The following FILIP1L variants were observed in gnomAD, a reference collection of about 807,000 sequenced individuals.
The protein encoded by FILIP1L is filamin A interacting protein 1 like.
A neutral mutation model predicts 96.6 loss-of-function variants in FILIP1L; 55 were observed. That is an observed-to-expected ratio of 0.57 (90% CI 0.46 to 0.71). FILIP1L has a LOEUF of 0.71. Ranked by LOEUF, FILIP1L falls within the 30% of genes least tolerant of loss-of-function variation. FILIP1L has a pLI of 0.00. For synonymous variants in FILIP1L, 467 were observed against 473.9 expected (o/e 0.99, Z 0.19); for missense variants, 1,304 against 1,321.2 (o/e 0.99, Z 0.20).
chr3:99,844,985 C>T (rs1312388825), intron 5 of FILIP1L, among the ~76,000 whole-genome samples: 1 of 152,184 alleles, frequency 6.6e-6, no homozygotes, highest in African/African-American at 2.4e-5. Context: ...ATAAATTACC[C>T]AGTCTCAGGT....
chr3:100,090,818 C>G (rs2066090650), intron 1 of FILIP1L, among the ~76,000 whole-genome samples: 1 of 152,168 alleles, frequency 6.6e-6, no homozygotes, highest in Admixed American at 6.5e-5. Context: ...TGACTGGCCT[C>G]AGGAATATGG....
chr3:100,035,548 A>G (rs2107272898), intron 1 of FILIP1L, among the ~76,000 whole-genome samples: 1 of 152,280 alleles, frequency 6.6e-6, no homozygotes, highest in Non-Finnish European at 1.5e-5. Context: ...CAGGCGTGAG[A>G]CACTGCACAC....
At chr3:100,082,445 A>C (rs1218930607) in intron 1 of FILIP1L, among the ~76,000 whole-genome samples, 1 of 152,218 alleles carries the variant, frequency 6.6e-6, no homozygotes, top group African/African-American at 2.4e-5. Context: ...TACAGCTTTA[A>C]GACTGGTAGT....
In FILIP1L at chr3:100,114,278, G is replaced by A. The variant is rs1164685429; in HGVS notation, c.-236C>T. ...CAGTGGGGAGCCCAACAACAAGTAG[G>A]CCCAAACACTAAATATTGCCCTCTT... is the stretch of plus-strand genomic sequence containing the variant. On this transcript the variant is annotated 5_prime_UTR_variant, in exon 1 of 6. Coordinates refer to ENST00000477258, the MANE Select transcript of FILIP1L (RefSeq NM_001387850.1). 1 of 151,574 alleles carries A rather than the reference G, an allele frequency of 6.6e-6. No homozygotes were observed. Among genetic ancestry groups the A allele is most frequent in the Non-Finnish European group, 1.5e-5 (1 of 68,016 alleles). The allele number at this position is 151,574 out of a possible 1,614,324, so 9.4% of individuals were successfully genotyped here.
chr3:99,959,920 G>T (rs1708443746), intron 1 of FILIP1L, among the ~76,000 whole-genome samples: 1 of 152,144 alleles, frequency 6.6e-6, no homozygotes, highest in Non-Finnish European at 1.5e-5. Context: ...ATTGTACAAA[G>T]GAGATGCATT....
intron 4 of FILIP1L, among the ~76,000 whole-genome samples, chr3:99,904,653 T>C (rs1055639064): frequency 6.6e-6 from 1 of 152,184 alleles, no homozygotes; most frequent in Non-Finnish European, 1.5e-5. Context: ...TGGCTGCTTA[T>C]TGCCTTCCAG....
Position 99,981,692 on chromosome 3 carries a change from T to C in FILIP1L, c.-10-50662A>G, listed in dbSNP as rs554708884. On this transcript the variant is annotated intron_variant, in intron 1 of 5. Transcript: ENST00000477258. Reference sequence around the variant, plus strand: ...TGCCTTCAGCACCATTTGAAAAAAATTGGTTGGAATTAGTGTTTAAACCAG... The same window carrying C: ...TGCCTTCAGCACCATTTGAAAAAAACTGGTTGGAATTAGTGTTTAAACCAG... Among the ~76,000 whole-genome samples, 4 of 152,284 alleles carry C rather than the reference T, an allele frequency of 2.6e-5. No individual in the cohort carries two copies. In the South Asian group the frequency reaches 6.2e-4, roughly 24 times the overall value.
chr3:99,878,355 A>C (rs1705608113), intron 4 of FILIP1L, among the ~76,000 whole-genome samples: 1 of 152,246 alleles, frequency 6.6e-6, no homozygotes, highest in African/African-American at 2.4e-5. Context: ...CATTCTTTTC[A>C]GATAAAGACA....
intron 1 of FILIP1L, among the ~76,000 whole-genome samples, chr3:100,035,335 A>G (rs1210906748): frequency 6.6e-6 from 1 of 152,104 alleles, no homozygotes; most frequent in Admixed American, 6.6e-5. Flanking sequence ...GTTCAATGGC[A>G]CAATCTTGGC....
intron 1 of FILIP1L, chr3:100,051,338 TA>T (rs1465667681): frequency 6.6e-6 from 1 of 151,980 alleles, no homozygotes; most frequent in Non-Finnish European, 1.5e-5. Flanking sequence ...TTTAATAATA[TA>T]AACCAATGGC....
At chr3:99,882,078 A>G (rs1459627815) in intron 4 of FILIP1L, among the ~76,000 whole-genome samples, 1 of 152,214 alleles carries the variant, frequency 6.6e-6, no homozygotes, top group Non-Finnish European at 1.5e-5. Flanking sequence ...TTGGAACTCA[A>G]ATAGAGCAAT....
At chr3:99,991,096 CA>C (rs1387095205) in intron 1 of FILIP1L, among the ~76,000 whole-genome samples, 3 of 152,130 alleles carry the variant, frequency 2.0e-5, no homozygotes, top group East Asian at 1.9e-4. Flanking sequence ...GACATAAGAC[CA>C]AAAAAATTCT....
intron 4 of FILIP1L, among the ~76,000 whole-genome samples, chr3:99,893,311 G>T (rs1469248307): frequency 6.6e-6 from 1 of 151,694 alleles, no homozygotes; most frequent in Non-Finnish European, 1.5e-5. Context: ...GACTACAGGC[G>T]CCTGCCACCA....
chr3:100,047,492 C>T (rs2065296024), intron 1 of FILIP1L, among the ~76,000 whole-genome samples: 1 of 152,146 alleles, frequency 6.6e-6, no homozygotes, highest in Non-Finnish European at 1.5e-5. Flanking sequence ...CATTATTATT[C>T]ATAACCTCTG....
intron 1 of FILIP1L, among the ~76,000 whole-genome samples, chr3:100,062,333 G>A (rs929926819): frequency 6.6e-6 from 1 of 151,636 alleles, no homozygotes; most frequent in Non-Finnish European, 1.5e-5. Flanking sequence ...GAATGGTCTC[G>A]ATCTCCTGAC....
chr3:100,005,945 T>C (rs1380769075), intron 1 of FILIP1L, among the ~76,000 whole-genome samples: 4 of 152,104 alleles, frequency 2.6e-5, no homozygotes, highest in African/African-American at 9.7e-5. Flanking sequence ...CATTCCCACC[T>C]CCGCTATTGC....
chr3:100,060,836 TG>T, intron 1 of FILIP1L, among the ~76,000 whole-genome samples: 1 of 152,276 alleles, frequency 6.6e-6, no homozygotes, highest in East Asian at 1.9e-4. Flanking sequence ...CACTCCATCC[TG>T]GGCAATAGAG....
chr3:100,050,076 T>C (rs1460659483), intron 1 of FILIP1L, among the ~76,000 whole-genome samples: 3 of 152,226 alleles, frequency 2.0e-5, no homozygotes, highest in African/African-American at 7.2e-5. Context: ...AACATGCTTT[T>C]TTAATCACAC....
At chr3:99,902,218 A>AT (rs1047643685) in intron 4 of FILIP1L, among the ~76,000 whole-genome samples, 1 of 152,098 alleles carries the variant, frequency 6.6e-6, no homozygotes, top group Non-Finnish European at 1.5e-5. Context: ...ACCATGTGAC[A>AT]TTTTTTTGAG....
Sources: gnomAD v4.1 joint callset for allele counts (sites outside exome capture counted in the v4.1 genomes callset) on GRCh38, gnomAD v4.1.1 for gene constraint, MANE v1.5 for transcripts, NCBI Gene and HGNC (gene_info 2026-07-23, HGNC 2026-07-21) for gene names.